BMPR2: variants seen among roughly 807,000 people sequenced by gnomAD.
BMPR2 encodes bone morphogenetic protein receptor type 2.
BMPR2 carries 29 observed loss-of-function variants against 100.8 expected under a neutral mutation model. That is an observed-to-expected ratio of 0.29 (90% CI 0.21 to 0.39). The LOEUF is 0.39. Ranked by LOEUF, BMPR2 falls within the 10% of genes least tolerant of loss-of-function variation. BMPR2 has a pLI of 1.00. For synonymous variants in BMPR2, 382 were observed against 442.3 expected, an observed-to-expected ratio of 0.86 and a Z score of 1.71; for missense variants, 1,011 against 1,274.5, an observed-to-expected ratio of 0.79 and a Z score of 3.15.
chr2:202,555,361 A>G lies in BMPR2; in HGVS notation c.1696A>G (p.Ile566Val). Residue 566 changes from isoleucine to valine, a missense_variant, in exon 12 of 13, where the codon ATT becomes GTT. This residue lies in a region of BMPR2 where 508 missense variants were observed against 552.0 expected (regional missense o/e 0.92). Transcript: ENST00000374580. Reference protein sequence around the residue: ...IHHTDSIVKNISSEHSMSSTP... With the variant: ...IHHTDSIVKNVSSEHSMSSTP... ...TCATACTGACAGCATCGTGAAGAAT[A>G]TTTCCTCTGAGCATTCTATGTCCAG... 1 of 1,614,154 alleles carries G rather than the reference A, an allele frequency of 6.2e-7. No homozygotes were observed. Among genetic ancestry groups the G allele is most frequent in the Non-Finnish European group, 8.5e-7 (1 of 1,180,004 alleles).
At position 202,537,696 on chromosome 2, in the gene BMPR2, T is replaced by TA. The variant is rs764306858; in HGVS notation, c.1277-4605dup. On this transcript the variant is annotated intron_variant, in intron 9 of 12. Coordinates refer to ENST00000374580, the MANE Select transcript of BMPR2 (RefSeq NM_001204.7). ...TTATGTTATGTATATTCTACCACGA[T>TA]AAAAAAAAAATAAAGGAATAAGAAG... Among the ~76,000 whole-genome samples the TA allele has an allele frequency of 3.4e-3, 499 of 148,738 alleles. 1 individual carries two copies. The highest frequency in any genetic ancestry group is 5.1e-3 in the Non-Finnish European group (342 of 66,966).
intron 3 of BMPR2, among the ~76,000 whole-genome samples, chr2:202,479,049 C>T (rs780783347): frequency 2.6e-5 from 4 of 152,138 alleles, no homozygotes; most frequent in Non-Finnish European, 5.9e-5. Context: ...GTAATCCTGT[C>T]CTTCTGAATG....
chr2:202,461,054 G>A (rs1467869545), intron 1 of BMPR2, among the ~76,000 whole-genome samples: 1 of 151,818 alleles, frequency 6.6e-6, no homozygotes, highest in African/African-American at 2.4e-5. Flanking sequence ...TGTGTTGCCC[G>A]GGCTGGTGCA....
At chr2:202,497,049 C>T (rs1370047548) in intron 3 of BMPR2, among the ~76,000 whole-genome samples, 1 of 152,248 alleles carries the variant, frequency 6.6e-6, no homozygotes, top group African/African-American at 2.4e-5. Flanking sequence ...GGGCTTAGCA[C>T]CCGGGCCAGC....
intron 1 of BMPR2, 21 bp downstream of exon 1, chr2:202,377,571 C>T: frequency 1.9e-6 from 3 of 1,613,500 alleles, no homozygotes; most frequent in Non-Finnish European, 1.7e-6. Context: ...CCGGCCGGCA[C>T]GTCCCGGCCA....
intron 3 of BMPR2, among the ~76,000 whole-genome samples, chr2:202,488,459 CA>C (rs946490203): frequency 6.6e-6 from 1 of 151,446 alleles, no homozygotes; most frequent in African/African-American, 2.4e-5. Context: ...CCTTTTTAAA[CA>C]AAAAAACAAA....
intron 3 of BMPR2, among the ~76,000 whole-genome samples, chr2:202,472,388 G>A (rs1358271677): frequency 1.3e-5 from 2 of 152,170 alleles, no homozygotes; most frequent in Non-Finnish European, 2.9e-5. Context: ...GCCATGTGCG[G>A]TGGCTCACAC....
chr2:202,412,820 T>C lies in BMPR2; in HGVS notation c.76+35270T>C, dbSNP rs555164467. 1.4e-3 allele frequency among the ~76,000 whole-genome samples: 211 copies of C among 152,334 alleles called. 1 individual carries two copies. The highest frequency in any genetic ancestry group is 3.4e-3 in the Middle Eastern group (1 of 294). On this transcript the variant is annotated intron_variant, in intron 1 of 12. Coordinates refer to ENST00000374580, the MANE Select transcript of BMPR2 (RefSeq NM_001204.7). ...ACTGATTTTCTTATGTTTATACCTA[T>C]GGTCTTCAGTAATTACTATTTCACT...
intron 1 of BMPR2, among the ~76,000 whole-genome samples, chr2:202,457,553 TATATATATAG>T (rs1335071249): frequency 1.1e-3 from 103 of 97,770 alleles, no homozygotes; most frequent in African/African-American, 3.6e-3. Flanking sequence ...TATATATATA[TATATATATAG>T]AGAGAGAGAG....
chr2:202,394,638 A>C (rs998468646), intron 1 of BMPR2, among the ~76,000 whole-genome samples: 1 of 152,094 alleles, frequency 6.6e-6, no homozygotes, highest in African/African-American at 2.4e-5. Flanking sequence ...ACTTTGTCTA[A>C]TGATATGTAA....
In BMPR2 at chr2:202,564,920, C is replaced by T. The variant is rs555329741; in HGVS notation, c.*4974C>T. The T allele has an allele frequency of 6.6e-6, 1 of 152,342 alleles. No homozygotes were observed. The highest frequency in any genetic ancestry group is 1.5e-5 in the Non-Finnish European group (1 of 68,084). 9.4% of individuals were successfully genotyped at this position (152,342 alleles called of 1,614,324 possible). On this transcript the variant is annotated 3_prime_UTR_variant, in exon 13 of 13. Transcript: ENST00000374580. ...AATTAGCCAGGCATGGTGGCACGCG[C>T]CTGTAGTCCCAGCTACTCGGGAGGC...
chr2:202,460,817 CTTTTTTT>C (rs35366212), intron 1 of BMPR2, among the ~76,000 whole-genome samples: 1 of 132,066 alleles, frequency 7.6e-6, no homozygotes, highest in Admixed American at 7.7e-5. Context: ...AAAGACCAAA[CTTTTTTT>C]TTTTTTTTTT....
In BMPR2 at chr2:202,503,150, G is replaced by A. The variant is rs566252108; in HGVS notation, c.419-10569G>A. 3.9e-4 allele frequency among the ~76,000 whole-genome samples: 60 copies of A among 152,342 alleles called. No individual in the cohort carries two copies. The highest frequency in any genetic ancestry group is 2.7e-3 in the Admixed American group (42 of 15,304). On this transcript the variant is annotated intron_variant, in intron 3 of 12. Coordinates refer to ENST00000374580, the MANE Select transcript of BMPR2 (RefSeq NM_001204.7). The surrounding 1 kb of genome is among the most constrained non-coding windows in gnomAD (Gnocchi z 4.0). ...CTATCCAGCAGGAAATAGCTAGAGCGGTCATTGGCCAAATTCCCAACAGCA... is the reference window on the plus strand; with the variant it reads ...CTATCCAGCAGGAAATAGCTAGAGCAGTCATTGGCCAAATTCCCAACAGCA...
rs913627027 is a variant in BMPR2 at position 202,432,581 on chromosome 2, G to A, written c.77-32228G>A. Among the ~76,000 whole-genome samples the A allele has an allele frequency of 8.0e-5, 12 of 150,562 alleles. 1 individual carries two copies. The highest frequency in any genetic ancestry group is 2.1e-4 in the South Asian group (1 of 4,830). ...AAGTATTACTAAGGTTAAAAAAACC[G>A]TAAGTTAGCATAAATAATAATGAAT... On this transcript the variant is annotated intron_variant, in intron 1 of 12. Transcript: ENST00000374580.
intron 1 of BMPR2, among the ~76,000 whole-genome samples, chr2:202,403,545 T>A (rs1271386257): frequency 1.3e-5 from 2 of 152,202 alleles, no homozygotes; most frequent in African/African-American, 4.8e-5. Flanking sequence ...ATTAGAAATT[T>A]AAGTAAAAGT....
intron 1 of BMPR2, among the ~76,000 whole-genome samples, chr2:202,462,450 A>AC (rs2105957646): frequency 6.6e-6 from 1 of 151,872 alleles, no homozygotes; most frequent in Non-Finnish European, 1.5e-5. Flanking sequence ...CAAACTCCTG[A>AC]CCTCGTGATC....
chr2:202,401,693 AAAAT>A (rs1475014339), intron 1 of BMPR2, among the ~76,000 whole-genome samples: 1 of 152,254 alleles, frequency 6.6e-6, no homozygotes, highest in East Asian at 1.9e-4. Context: ...AAGGTGAGCC[AAAAT>A]ATTAATCTTT....
intron 10 of BMPR2, among the ~76,000 whole-genome samples, chr2:202,549,099 T>C (rs1158089719): frequency 6.6e-6 from 1 of 152,164 alleles, no homozygotes; most frequent in Admixed American, 6.5e-5. Context: ...TAGAGATTAG[T>C]TTACATTTTC....
intron 3 of BMPR2, among the ~76,000 whole-genome samples, chr2:202,504,412 G>GT (rs1687476257): frequency 6.6e-6 from 1 of 152,006 alleles, no homozygotes; most frequent in Non-Finnish European, 1.5e-5. Context: ...CTCAAGAGCT[G>GT]TAACACTCAC....
Sources: gnomAD v4.1 joint callset for allele counts (sites outside exome capture counted in the v4.1 genomes callset) on GRCh38, gnomAD v4.1.1 for gene constraint, gnomAD v4.1.1 regional missense constraint, Gnocchi (gnomAD v3.1) non-coding constraint, MANE v1.5 for transcripts, NCBI Gene and HGNC (gene_info 2026-07-23, HGNC 2026-07-21) for gene names.